Variants in SLC44A4 observed in about 807,000 individuals in gnomAD.
The protein encoded by SLC44A4 is solute carrier family 44 member 4, also known as choline transporter-like protein 4.
Under a neutral mutation model 97.0 loss-of-function variants are expected in SLC44A4, and 74 were observed. The observed-to-expected ratio is 0.76, with a 90% CI of 0.63 to 0.93. The LOEUF (loss-of-function observed/expected upper bound fraction) is 0.93. Among genes scored for constraint, SLC44A4 ranks in the 40% least tolerant of loss-of-function variants. The pLI is 0.00. For synonymous variants in SLC44A4, 325 were observed against 363.8 expected (o/e 0.89, Z 1.21); for missense variants, 799 against 902.9 (o/e 0.88, Z 1.48).
At position 31,876,989 on chromosome 6, in the gene SLC44A4, C is replaced by A; in HGVS notation, c.89+45G>T. On this transcript the variant is annotated intron_variant, in intron 2 of 20. Coordinates refer to ENST00000229729, the MANE Select transcript of SLC44A4 (RefSeq NM_025257.3). This position sits in a 1 kb window ranked among gnomAD's most constrained non-coding sequence, Gnocchi z 4.8. The stretch of plus-strand genomic sequence containing the variant: ...AAAGCAAATACTGGATTCCACACTG[C>A]ACCCACCACCCCCGCCAGCCCCCGG... 1 of 1,570,108 alleles carries A rather than the reference C, an allele frequency of 6.4e-7. No individual in the cohort carries two copies. The highest frequency in any genetic ancestry group is 8.7e-7 in the Non-Finnish European group (1 of 1,153,234).
intron 20 of SLC44A4, 57 bp downstream of exon 20, chr6:31,864,593 AAT>A: frequency 6.6e-7 from 1 of 1,511,094 alleles, no homozygotes. Flanking sequence ...AAAAAAAAAA[AAT>A]GCTTGAACGG....
chr6:31,869,725 C>T (rs1371702006), intron 11 of SLC44A4, 88 bp from the exon 12 acceptor site: 3 of 975,280 alleles, frequency 3.1e-6, no homozygotes, highest in Middle Eastern at 2.6e-4. Context: ...GTGGCTCACG[C>T]CTGTAATCCC....
At position 31,869,603 on chromosome 6, in the gene SLC44A4, G is replaced by T; in HGVS notation, c.1072C>A (p.Pro358Thr). The T allele has an allele frequency of 6.2e-7, 1 of 1,605,420 alleles. No homozygotes were observed. Among genetic ancestry groups the T allele is most frequent in the Non-Finnish European group, 8.5e-7 (1 of 1,176,572 alleles). Residue 358 changes from proline to threonine, a missense_variant, in exon 12 of 21, where the codon CCA (proline) becomes ACA (threonine). Pro to Thr is a conservative substitution (Grantham distance 38). This residue lies in a region of SLC44A4 where 11 missense variants were observed against 30.5 expected (regional missense o/e 0.36). Transcript: ENST00000229729. ...VGQMMSTMFY[P>T]LVTFVLLLIC... The stretch of plus-strand genomic sequence containing the variant: ...AGGAGGAGGACAAAGGTGACCAGTG[G>T]GTAGAACATGGTAGACATCATCTGT...
chr6:31,871,721 G>A (rs1763190396), intron 7 of SLC44A4, among the ~76,000 whole-genome samples, 160 bp from the exon 8 acceptor site: 2 of 152,064 alleles, frequency 1.3e-5, no homozygotes, highest in Non-Finnish European at 2.9e-5. Flanking sequence ...CTTCTGCCCT[G>A]TGGAGCCCAG....
intron 4 of SLC44A4, 129 bp from the exon 5 acceptor site, chr6:31,875,157 G>A: frequency 1.5e-6 from 1 of 673,562 alleles, no homozygotes; most frequent in Non-Finnish European, 2.6e-6. Flanking sequence ...TCACCTCCCA[G>A]CTCCTGGCCC....
In SLC44A4 at chr6:31,870,809, C is replaced by G; in HGVS notation, c.937+3G>C. ...GTGGCTTGGGGGTGGGCAGGACACT[C>G]ACGGGCGGCCAGCCAGGTCTCCTGC... On this transcript the variant is annotated splice_donor_region_variant and intron_variant, in intron 10 of 20. Coordinates refer to ENST00000229729, the MANE Select transcript of SLC44A4 (RefSeq NM_025257.3). 6.2e-7 allele frequency: 1 copy of G among 1,613,054 alleles called. No individual in the cohort carries two copies. Among genetic ancestry groups the G allele is most frequent in the Non-Finnish European group, 8.5e-7 (1 of 1,180,002 alleles).
At position 31,875,813 on chromosome 6, in the gene SLC44A4, G is replaced by A. The variant is rs780845512; in HGVS notation, c.242+39C>T. ...GGGTGTCTCCTGCCCACCCTACCTC[G>A]CCTCGCTCCTGCACTCCTCTTCTCG... On this transcript the variant is annotated intron_variant, in intron 4 of 20. Coordinates refer to ENST00000229729, the MANE Select transcript of SLC44A4 (RefSeq NM_025257.3). 175 of 1,552,164 alleles carry A rather than the reference G, an allele frequency of 1.1e-4. 1 individual carries two copies. The highest frequency in any genetic ancestry group is 1.3e-4 in the Non-Finnish European group (148 of 1,140,700).
At position 31,876,933 on chromosome 6, in the gene SLC44A4, A is replaced by G; in HGVS notation, c.89+101T>C. ...TCTGGGGCAGGAGTTTCTCTTTTTC[A>G]CAAGTTTCCTACTAATATTTTAGCA... On this transcript the variant is annotated intron_variant, in intron 2 of 20. Transcript: ENST00000229729. This position sits in a 1 kb window ranked among gnomAD's most constrained non-coding sequence, Gnocchi z 4.8. 1.6e-6 allele frequency: 2 copies of G among 1,259,060 alleles called. No individual in the cohort carries two copies. The highest frequency in any genetic ancestry group is 2.4e-5 in the Admixed American group (1 of 41,260). 78.0% of individuals were successfully genotyped at this position (1,259,060 alleles called of 1,614,324 possible).
Position 31,876,942 on chromosome 6 carries a change from C to T in SLC44A4, c.89+92G>A, listed in dbSNP as rs924216526. 2 of 1,304,944 alleles carry T rather than the reference C, an allele frequency of 1.5e-6. No individual in the cohort carries two copies. The highest frequency in any genetic ancestry group is 1.5e-5 in the African/African-American group (1 of 67,146). The allele number at this position is 1,304,944 out of a possible 1,614,324, so 80.8% of individuals were successfully genotyped here. On this transcript the variant is annotated intron_variant, in intron 2 of 20. Coordinates refer to ENST00000229729, the MANE Select transcript of SLC44A4 (RefSeq NM_025257.3). The surrounding 1 kb of genome is among the most constrained non-coding windows in gnomAD (Gnocchi z 4.8). ...GGAGTTTCTCTTTTTCACAAGTTTC[C>T]TACTAATATTTTAGCAAATACAAAG... is the stretch of plus-strand genomic sequence containing the variant.
chr6:31,864,638 G>T lies in SLC44A4; in HGVS notation c.2011+14C>A. ...CTTTAAGGTTGGGGACAGGTGGCTG[G>T]GGGTGTCACTCACGGAAGCAGAGGA... On this transcript the variant is annotated intron_variant, in intron 20 of 20. Coordinates refer to ENST00000229729, the MANE Select transcript of SLC44A4 (RefSeq NM_025257.3). 1.2e-6 allele frequency: 2 copies of T among 1,612,958 alleles called. No individual in the cohort carries two copies. Among genetic ancestry groups the T allele is most frequent in the South Asian group, 2.2e-5 (2 of 91,078 alleles).
chr6:31,864,475 ACT>A (rs913698094), intron 20 of SLC44A4, 175 bp downstream of exon 20: 4 of 625,946 alleles, frequency 6.4e-6, no homozygotes, highest in African/African-American at 5.6e-5. Flanking sequence ...CTGGGGGCTC[ACT>A]CTCTTCCTTC....
chr6:31,863,784 G>C, intron 20 of SLC44A4, 36 bp from the exon 21 acceptor site: 1 of 1,610,260 alleles, frequency 6.2e-7, no homozygotes, highest in Non-Finnish European at 8.5e-7. Context: ...AGCGGACCCT[G>C]GGGCCAGGAA....
Position 31,877,012 on chromosome 6 carries a change from C to G in SLC44A4, c.89+22G>C. The G allele has an allele frequency of 6.2e-7, 1 of 1,603,612 alleles. No individual in the cohort carries two copies. The highest frequency in any genetic ancestry group is 8.5e-7 in the Non-Finnish European group (1 of 1,176,126). On this transcript the variant is annotated intron_variant, in intron 2 of 20. Coordinates refer to ENST00000229729, the MANE Select transcript of SLC44A4 (RefSeq NM_025257.3). This position sits in a 1 kb window ranked among gnomAD's most constrained non-coding sequence, Gnocchi z 6.5. The stretch of plus-strand genomic sequence containing the variant: ...TGCACCCACCACCCCCGCCAGCCCC[C>G]GGAGCAGTGCCCAGAGCTCACCTGT...
chr6:31,876,963 C>A lies in SLC44A4; in HGVS notation c.89+71G>T. On this transcript the variant is annotated intron_variant, in intron 2 of 20. Coordinates refer to ENST00000229729, the MANE Select transcript of SLC44A4 (RefSeq NM_025257.3). This position sits in a 1 kb window ranked among gnomAD's most constrained non-coding sequence, Gnocchi z 4.8. ...TTTCCTACTAATATTTTAGCAAATACAAAGCAAATACTGGATTCCACACTG... is the reference window on the plus strand; with the variant it reads ...TTTCCTACTAATATTTTAGCAAATAAAAAGCAAATACTGGATTCCACACTG... 1 of 1,442,042 alleles carries A rather than the reference C, an allele frequency of 6.9e-7. No individual in the cohort carries two copies. Among genetic ancestry groups the A allele is most frequent in the South Asian group, 1.3e-5 (1 of 78,586 alleles). The allele number at this position is 1,442,042 out of a possible 1,614,324, so 89.3% of individuals were successfully genotyped here.
In SLC44A4 at chr6:31,876,180, GGGCTTATGGTCT is replaced by G. The variant is rs1273872294; in HGVS notation, c.90-63_90-52del. ...TGAGCTAAGGAGACTTGGGGAGGTA[GGGCTTATGGTCT>G]GGAGGGGTTAAGGGTTAGAGAGTTG... On this transcript the variant is annotated intron_variant, in intron 2 of 20. Transcript: ENST00000229729. The surrounding 1 kb of genome is among the most constrained non-coding windows in gnomAD (Gnocchi z 4.8). The G allele has an allele frequency of 6.6e-7, 1 of 1,512,448 alleles. No individual in the cohort carries two copies. Among genetic ancestry groups the G allele is most frequent in the Non-Finnish European group, 9.1e-7 (1 of 1,100,426 alleles). The allele number at this position is 1,512,448 out of a possible 1,614,324, so 93.7% of individuals were successfully genotyped here.
In SLC44A4 at chr6:31,871,479, C is replaced by G. The variant is rs200923902; in HGVS notation, c.612G>C (p.Gly204=). The G allele has an allele frequency of 5.1e-5, 82 of 1,613,942 alleles. 2 individuals are homozygous for G. The East Asian group carries it at 1.8e-3, about 36-fold the overall frequency. The change falls in exon 8 of 21, where the codon GGG becomes GGC. Residue 204 remains glycine, a synonymous_variant. Transcript: ENST00000229729. The part of the protein sequence containing the change: ...GITNDTTIQQ[G]ISGLIDSLNA... ...TGGGGGAGGGAGGTGCCTACCTGAT[C>G]CCCTGCTGTATGGTGGTGTCATTGG...
rs748262188 is a variant in SLC44A4 at position 31,877,637 on chromosome 6, G to C, written c.41-555C>G. ...CCCAGCAGGGCCTGGGGAGGGAAGC[G>C]GCCCTGTACATCCTCACTCTGGTGG... On this transcript the variant is annotated intron_variant, in intron 1 of 20. Transcript: ENST00000229729. The surrounding 1 kb of genome is among the most constrained non-coding windows in gnomAD (Gnocchi z 6.5). The C allele has an allele frequency of 2.0e-6, 2 of 986,802 alleles. No homozygotes were observed. The highest frequency in any genetic ancestry group is 3.5e-5 in the African/African-American group (2 of 57,206). The allele number at this position is 986,802 out of a possible 1,614,324, so 61.1% of individuals were successfully genotyped here. A position where few individuals can be genotyped will look rare whatever the true frequency, so the allele number is the denominator to read the frequency against.
chr6:31,875,671 C>G (rs1168901574), intron 4 of SLC44A4, 181 bp downstream of exon 4: 1 of 610,414 alleles, frequency 1.6e-6, no homozygotes, highest in African/African-American at 1.8e-5. Context: ...AGCTAACTGT[C>G]CAGCAATGGT....
intron 4 of SLC44A4, 87 bp from the exon 5 acceptor site, chr6:31,875,115 C>T: frequency 1.9e-6 from 2 of 1,047,320 alleles, no homozygotes; most frequent in Admixed American, 1.8e-5. Flanking sequence ...CTCAAGAATA[C>T]AGTGGGCCCA....
Sources: gnomAD v4.1 joint callset for allele counts (sites outside exome capture counted in the v4.1 genomes callset) on GRCh38, gnomAD v4.1.1 for gene constraint, gnomAD v4.1.1 regional missense constraint, Gnocchi (gnomAD v3.1) non-coding constraint, MANE v1.5 for transcripts, NCBI Gene and HGNC (gene_info 2026-07-23, HGNC 2026-07-21) for gene names.